PEAK1: variants seen among roughly 807,000 people sequenced by gnomAD.
PEAK1 encodes the protein pseudopodium enriched atypical kinase 1.
A neutral mutation model predicts 124.7 loss-of-function variants in PEAK1; 54 were observed. The ratio of observed to expected loss-of-function variants is 0.43; its 90% CI spans 0.35 to 0.54. The LOEUF is 0.54. PEAK1 is among the 20% of genes least tolerant of loss of function. The probability of loss-of-function intolerance (pLI) is 0.01; values close to 1 mark genes in which losing one functional copy is unlikely to be tolerated. For synonymous variants in PEAK1, 719 were observed against 760.0 expected (o/e 0.95, Z 0.89); for missense variants, 2,046 against 2,134.5 (o/e 0.96, Z 0.82).
At chr15:77,235,643 C>T (rs1484187350) in intron 6 of PEAK1, among the ~76,000 whole-genome samples, 2 of 152,214 alleles carry the variant, frequency 1.3e-5, no homozygotes. Context: ...AAGCCAGCTG[C>T]AGAAATTTGC....
chr15:77,264,362 T>C (rs1213953143), intron 5 of PEAK1, among the ~76,000 whole-genome samples: 1 of 152,178 alleles, frequency 6.6e-6, no homozygotes, highest in Non-Finnish European at 1.5e-5. Context: ...AACCCCATTG[T>C]CTCAGCCCAA....
chr15:77,382,173 T>C (rs138620157), intron 1 of PEAK1, among the ~76,000 whole-genome samples: 405 of 152,298 alleles, frequency 2.7e-3, no homozygotes, highest in African/African-American at 9.3e-3. Context: ...GAGTGGTTAA[T>C]AGAAACAGCT....
intron 1 of PEAK1, among the ~76,000 whole-genome samples, chr15:77,406,771 G>T (rs1179765278): frequency 6.6e-6 from 1 of 151,750 alleles, no homozygotes; most frequent in South Asian, 2.1e-4. Context: ...TAGAAAAAAT[G>T]ATCCTAAAGT....
At chr15:77,420,695 C>T (rs927928403), upstream of PEAK1, 143 of 393,640 alleles carry the variant, frequency 3.6e-4, 2 homozygotes, top group East Asian at 5.1e-3. Context: ...CCACGTAGTC[C>T]TTCGCCGCAT....
chr15:77,181,731 C>T lies in PEAK1; in HGVS notation c.196G>A (p.Ala66Thr). 6.2e-7 allele frequency: 1 copy of T among 1,614,042 alleles called. No homozygotes were observed. The highest frequency in any genetic ancestry group is 1.1e-5 in the South Asian group (1 of 91,072). Residue 66 changes from alanine (A) to threonine (T), a missense_variant, in exon 7 of 10, where the codon GCT becomes ACT. By Grantham distance (58) the Ala-to-Thr change is moderately conservative. Coordinates refer to ENST00000682557, the MANE Select transcript of PEAK1 (RefSeq NM_001385026.1). ...TTCACAGCTATAGTGGGTTTTTTAGCCACAGGAGGCCGGAAATTGCCCGTG... is the reference window on the plus strand; with the variant it reads ...TTCACAGCTATAGTGGGTTTTTTAGTCACAGGAGGCCGGAAATTGCCCGTG... The part of the protein sequence containing the change: ...RNTGNFRPPV[A>T]KKPTIAVKPT...
intron 6 of PEAK1, among the ~76,000 whole-genome samples, chr15:77,228,264 T>C (rs2059764574): frequency 6.6e-6 from 1 of 152,188 alleles, no homozygotes; most frequent in Non-Finnish European, 1.5e-5. Context: ...TGCATTATAA[T>C]ACCACGATTC....
rs540727900 is a variant in PEAK1 at position 77,378,786 on chromosome 15, G to C, written c.-665-13561C>G. Among the ~76,000 whole-genome samples, 8 of 152,280 alleles carry C rather than the reference G, an allele frequency of 5.3e-5. No individual in the cohort carries two copies. In the South Asian group the frequency reaches 8.3e-4, roughly 16 times the overall value. On this transcript the variant is annotated intron_variant, in intron 1 of 9. Coordinates refer to ENST00000682557, the MANE Select transcript of PEAK1 (RefSeq NM_001385026.1). ...TTAAATAATCCTGAAGACGAAATCT[G>C]AGTCAAACTACAAAAAGGCCCTCAA...
At chr15:77,167,023 T>G (rs1046115359) in intron 7 of PEAK1, among the ~76,000 whole-genome samples, 1 of 152,204 alleles carries the variant, frequency 6.6e-6, no homozygotes, top group Non-Finnish European at 1.5e-5. Flanking sequence ...GAATCTGCAT[T>G]TATATACTCC....
chr15:77,220,913 C>G (rs2059359649), intron 6 of PEAK1, among the ~76,000 whole-genome samples: 1 of 151,690 alleles, frequency 6.6e-6, no homozygotes, highest in African/African-American at 2.4e-5. Flanking sequence ...AGATTAGAAA[C>G]TAAATACAGA....
At chr15:77,257,559 C>A (rs1395429837) in intron 5 of PEAK1, among the ~76,000 whole-genome samples, 5 of 151,522 alleles carry the variant, frequency 3.3e-5, no homozygotes, top group Non-Finnish European at 7.4e-5. Flanking sequence ...CCTTCGCCCA[C>A]TTTTTGATGG....
intron 2 of PEAK1, among the ~76,000 whole-genome samples, chr15:77,299,908 C>T (rs989111990): frequency 5.3e-5 from 8 of 152,166 alleles, no homozygotes; most frequent in African/African-American, 1.2e-4. Context: ...CAAAGAGCTA[C>T]GATTTGATAG....
At chr15:77,157,985 A>G (rs1403238329) in intron 8 of PEAK1, 1 of 153,444 alleles carries the variant, frequency 6.5e-6, no homozygotes, top group African/African-American at 2.4e-5. Context: ...CCTGAAATGC[A>G]TGACACTGGC....
intron 6 of PEAK1, among the ~76,000 whole-genome samples, chr15:77,207,462 C>G (rs926400989): frequency 5.9e-5 from 9 of 151,954 alleles, no homozygotes; most frequent in African/African-American, 2.2e-4. Flanking sequence ...TGTGGTATAC[C>G]CATACAACAA....
Position 77,133,235 on chromosome 15 carries a change from G to T in PEAK1, c.3847C>A (p.Arg1283=). 6.2e-7 allele frequency: 1 copy of T among 1,614,182 alleles called. No individual in the cohort carries two copies. Among genetic ancestry groups the T allele is most frequent in the Non-Finnish European group, 8.5e-7 (1 of 1,180,038 alleles). ...CGGATTTTACCCACTACTTCCTCCC[G>T]ATTCTCAAGTCCTCGATAAAGTGCT... ...RQALYRGLEN[R]EEVVGKIRSL... The change falls in exon 9 of 10, where the codon CGG becomes AGG. Residue 1283 remains arginine (R), a synonymous_variant. Transcript: ENST00000682557. The surrounding 1 kb of genome is among the most constrained non-coding windows in gnomAD (Gnocchi z 4.2).
rs536836749 is a variant in PEAK1 at position 77,123,600 on chromosome 15, T to C, written c.4078-8281A>G. On this transcript the variant is annotated intron_variant, in intron 9 of 9. Coordinates refer to ENST00000682557, the MANE Select transcript of PEAK1 (RefSeq NM_001385026.1). ...GTGAAGGCCCTTCTAAAATTGGCTT[T>C]AGTCTACTATGAGGATATGAGGGAT... 7.9e-5 allele frequency among the ~76,000 whole-genome samples: 12 copies of C among 152,308 alleles called. No homozygotes were observed. The South Asian group carries it at 2.1e-3, about 26-fold the overall frequency.
chr15:77,201,128 AG>A (rs35076274), intron 6 of PEAK1, among the ~76,000 whole-genome samples: 1 of 152,046 alleles, frequency 6.6e-6, no homozygotes, highest in Admixed American at 6.5e-5. Context: ...TATTGATTTC[AG>A]GGAACAGATT....
chr15:77,384,870 A>C (rs1372776412), intron 1 of PEAK1, among the ~76,000 whole-genome samples: 2 of 152,188 alleles, frequency 1.3e-5, no homozygotes, highest in Non-Finnish European at 2.9e-5. Context: ...ACAGTTGAGT[A>C]GTTGTGACAG....
intron 6 of PEAK1, among the ~76,000 whole-genome samples, chr15:77,209,306 C>T (rs960330684): frequency 6.6e-6 from 1 of 151,806 alleles, no homozygotes; most frequent in African/African-American, 2.4e-5. Context: ...CAAAGTAACC[C>T]GAATGAAGTC....
At chr15:77,378,059 A>C (rs12914345) in intron 1 of PEAK1, among the ~76,000 whole-genome samples, 99,508 of 151,794 alleles carry the variant, frequency 0.66, 33,594 homozygotes, top group Non-Finnish European at 0.75. Context: ...CTCTTCATAC[A>C]AAACAACTAG....
Sources: allele counts gnomAD v4.1 joint callset (sites outside exome capture counted in the v4.1 genomes callset), GRCh38; gene constraint gnomAD v4.1.1; non-coding constraint Gnocchi (gnomAD v3.1); transcripts MANE v1.5; gene names NCBI Gene and HGNC (gene_info 2026-07-23, HGNC 2026-07-21).